DSCAML1: variants seen among roughly 807,000 people sequenced by gnomAD.
The protein encoded by DSCAML1 is cell adhesion molecule DSCAML1.
DSCAML1 carries 38 observed loss-of-function variants against 200.5 expected under a neutral mutation model. The ratio of observed to expected loss-of-function variants is 0.19; its 90% CI spans 0.15 to 0.25. The LOEUF (loss-of-function observed/expected upper bound fraction) is 0.25, where lower values mean the gene tolerates loss of function less well. DSCAML1 is among the 10% of genes least tolerant of loss of function. DSCAML1 has a pLI of 1.00. For synonymous variants in DSCAML1, 1,215 were observed against 1,165.0 expected (o/e 1.04, Z -0.87); for missense variants, 2,223 against 2,858.8 (o/e 0.78, Z 5.07).
At chr11:117,746,479 G>T (rs1417735608) in intron 3 of DSCAML1, among the ~76,000 whole-genome samples, 1 of 152,048 alleles carries the variant, frequency 6.6e-6, no homozygotes, top group Non-Finnish European at 1.5e-5. Context: ...GACCCAGGAG[G>T]CCAAGAGAAG....
At chr11:117,749,594 A>G (rs2054572124) in intron 3 of DSCAML1, among the ~76,000 whole-genome samples, 2 of 152,232 alleles carry the variant, frequency 1.3e-5, no homozygotes, top group Admixed American at 6.5e-5. Flanking sequence ...GAACCAGCCC[A>G]TCTGCTGGGA....
Position 117,437,038 on chromosome 11 carries a change from CT to C in DSCAML1, c.4720+83del. ...TGCCTGTTTTTCTATTAGTCTGTCT[CT>C]TTATGTATCTGCCACTCTGCCCACT... On this transcript the variant is annotated intron_variant, in intron 26 of 32. Coordinates refer to ENST00000651296, the MANE Select transcript of DSCAML1 (RefSeq NM_020693.4). The surrounding 1 kb of genome is among the most constrained non-coding windows in gnomAD (Gnocchi z 5.3). The C allele has an allele frequency of 1.3e-6, 2 of 1,513,544 alleles. No homozygotes were observed. Among genetic ancestry groups the C allele is most frequent in the Non-Finnish European group, 8.9e-7 (1 of 1,125,556 alleles). The allele number at this position is 1,513,544 out of a possible 1,614,324, so 93.8% of individuals were successfully genotyped here. A position where few individuals can be genotyped will look rare whatever the true frequency, so the allele number is the denominator to read the frequency against.
intron 3 of DSCAML1, among the ~76,000 whole-genome samples, chr11:117,539,420 C>T (rs2050223969): frequency 6.6e-6 from 1 of 151,814 alleles, no homozygotes; most frequent in African/African-American, 2.4e-5. Context: ...CCAGCCTGGC[C>T]AATGTGGTGA....
chr11:117,430,923 A>G lies in DSCAML1; in HGVS notation c.5485T>C (p.Phe1829Leu). The change falls in exon 32 of 33, where the codon TTT (phenylalanine) becomes CTT (leucine). Residue 1829 changes from phenylalanine to leucine, a missense_variant. Around this residue, in one of 7 missense-constraint regions of DSCAML1, gnomAD observed 96 missense variants for 160.7 expected, o/e 0.60. Coordinates refer to ENST00000651296, the MANE Select transcript of DSCAML1 (RefSeq NM_020693.4). ...GAGATGAAGCACTCGGTGATCTCAAACTTGGCGTGCTGCAGCTGCTCCTCC... is the reference window on the plus strand; with the variant it reads ...GAGATGAAGCACTCGGTGATCTCAAGCTTGGCGTGCTGCAGCTGCTCCTCC... ...KLEEQLQHAK[F>L]EITECFISDS... 1.2e-6 allele frequency: 2 copies of G among 1,614,116 alleles called. No individual in the cohort carries two copies. Among genetic ancestry groups the G allele is most frequent in the Non-Finnish European group, 1.7e-6 (2 of 1,180,028 alleles).
chr11:117,755,034 T>G (rs1245373371), intron 3 of DSCAML1, among the ~76,000 whole-genome samples: 1 of 152,164 alleles, frequency 6.6e-6, no homozygotes, highest in African/African-American at 2.4e-5. Context: ...GTATTATTTT[T>G]GTTCTGCTTG....
chr11:117,444,460 G>C (rs983691436), intron 20 of DSCAML1, among the ~76,000 whole-genome samples: 2 of 152,114 alleles, frequency 1.3e-5, no homozygotes, highest in African/African-American at 2.4e-5. Flanking sequence ...TTGGAGACAG[G>C]CTCCTGCAGC....
At chr11:117,484,531 C>T (rs1168713751) in intron 11 of DSCAML1, among the ~76,000 whole-genome samples, 2 of 152,142 alleles carry the variant, frequency 1.3e-5, no homozygotes. Flanking sequence ...AGACAAATAA[C>T]GAGGTGCAAG....
chr11:117,708,801 C>T (rs80346081), intron 3 of DSCAML1, among the ~76,000 whole-genome samples: 1,852 of 152,304 alleles, frequency 0.012, 19 homozygotes, highest in East Asian at 0.04. Flanking sequence ...AACGTTCTCT[C>T]CTTCTCACTC....
Position 117,516,050 on chromosome 11 carries a change from C to A in DSCAML1, c.1783+417G>T, listed in dbSNP as rs937423630. Reference sequence around the variant, plus strand: ...TCCCACAGGGGGTCAGGGCTCCCAGCGTGCTCTGTCAACCCTGGCCTCCTG... The same window carrying A: ...TCCCACAGGGGGTCAGGGCTCCCAGAGTGCTCTGTCAACCCTGGCCTCCTG... On this transcript the variant is annotated intron_variant, in intron 8 of 32. Transcript: ENST00000651296. The surrounding 1 kb of genome is among the most constrained non-coding windows in gnomAD (Gnocchi z 5.7). Among the ~76,000 whole-genome samples the A allele has an allele frequency of 1.3e-5, 2 of 152,180 alleles. No homozygotes were observed. Among genetic ancestry groups the A allele is most frequent in the Non-Finnish European group, 2.9e-5 (2 of 68,024 alleles).
intron 11 of DSCAML1, among the ~76,000 whole-genome samples, chr11:117,487,106 G>A (rs936825420): frequency 2.0e-5 from 3 of 151,516 alleles, no homozygotes; most frequent in Admixed American, 6.6e-5. Flanking sequence ...TGCATTTTTA[G>A]TAGAGACGGG....
chr11:117,531,927 A>C, intron 4 of DSCAML1, among the ~76,000 whole-genome samples: 1 of 63,226 alleles, frequency 1.6e-5, no homozygotes, highest in South Asian at 1.0e-3. Context: ...AGGGAAGGGA[A>C]GGGAGGAGGG....
At chr11:117,650,718 G>A (rs549739617) in intron 3 of DSCAML1, among the ~76,000 whole-genome samples, 2 of 136,232 alleles carry the variant, frequency 1.5e-5, no homozygotes, top group South Asian at 4.6e-4. Flanking sequence ...TGTGTGTGGT[G>A]GGGATTGGGG....
At chr11:117,509,180 G>A (rs929236310) in intron 8 of DSCAML1, among the ~76,000 whole-genome samples, 3 of 152,046 alleles carry the variant, frequency 2.0e-5, no homozygotes, top group East Asian at 1.9e-4. Flanking sequence ...AGCAGAGGGC[G>A]ATGCCATCGG....
At chr11:117,583,278 C>G (rs924708530) in intron 3 of DSCAML1, among the ~76,000 whole-genome samples, 3 of 152,102 alleles carry the variant, frequency 2.0e-5, no homozygotes, top group Non-Finnish European at 2.9e-5. Context: ...TTCCCCCTTC[C>G]AAGTCCTCCC....
At chr11:117,477,654 C>A (rs551571789) in intron 14 of DSCAML1, among the ~76,000 whole-genome samples, 1 of 152,106 alleles carries the variant, frequency 6.6e-6, no homozygotes, top group African/African-American at 2.4e-5. Context: ...TTGCTCTAGC[C>A]CCGTGCTATC....
chr11:117,680,443 G>A (rs1279254261), intron 3 of DSCAML1, among the ~76,000 whole-genome samples: 14 of 152,238 alleles, frequency 9.2e-5, no homozygotes, highest in African/African-American at 2.9e-4. Context: ...AAGTGTAGGG[G>A]TCTTCCCAGA....
chr11:117,645,823 T>C (rs12290764), intron 3 of DSCAML1, among the ~76,000 whole-genome samples: 3,067 of 151,448 alleles, frequency 0.02, 66 homozygotes, highest in East Asian at 0.094. Flanking sequence ...GTGGGTGCAG[T>C]GCACCAGCAT....
Position 117,464,953 on chromosome 11 carries a change from G to A in DSCAML1, c.3254C>T (p.Thr1085Ile). 1 of 1,614,036 alleles carries A rather than the reference G, an allele frequency of 6.2e-7. No homozygotes were observed. Among genetic ancestry groups the A allele is most frequent in the Non-Finnish European group, 8.5e-7 (1 of 1,179,998 alleles). ...GCTGGGGCCCTCACCATCCTCCAGA[G>A]TGGTGGCATTGATCTCGCTGGAAGA... ...GPSSSEINATTLEDVPSQPPE... is the reference protein window; with the variant it reads ...GPSSSEINATILEDVPSQPPE... The change falls in exon 17 of 33, where the codon ACT becomes ATT. Residue 1085 changes from threonine to isoleucine, a missense_variant. Around this residue, in one of 7 missense-constraint regions of DSCAML1, gnomAD observed 438 missense variants for 629.7 expected, o/e 0.70. Transcript: ENST00000651296.
At chr11:117,590,063 T>C (rs1480743436) in intron 3 of DSCAML1, among the ~76,000 whole-genome samples, 1 of 152,260 alleles carries the variant, frequency 6.6e-6, no homozygotes, top group Non-Finnish European at 1.5e-5. Flanking sequence ...ATTTATTTAA[T>C]ATGTTTTTCA....
Sources: allele counts gnomAD v4.1 joint callset (sites outside exome capture counted in the v4.1 genomes callset), GRCh38; gene constraint gnomAD v4.1.1; regional missense constraint gnomAD v4.1.1; non-coding constraint Gnocchi (gnomAD v3.1); transcripts MANE v1.5; gene names NCBI Gene and HGNC (gene_info 2026-07-23, HGNC 2026-07-21).